Variants in ZSCAN20 observed in about 807,000 individuals in gnomAD.
ZSCAN20 encodes the protein zinc finger and SCAN domain containing 20.
Under a neutral mutation model 97.1 loss-of-function variants are expected in ZSCAN20, and 39 were observed. The ratio of observed to expected loss-of-function variants is 0.40; its 90% confidence interval spans 0.31 to 0.52. ZSCAN20 has a LOEUF of 0.52. Among genes scored for constraint, ZSCAN20 ranks in the 20% least tolerant of loss-of-function variants. ZSCAN20 has a pLI of 0.49. For synonymous variants in ZSCAN20, 456 were observed against 467.3 expected (o/e 0.98, Z 0.31); for missense variants, 1,115 against 1,290.4 (o/e 0.86, Z 2.08).
At chr1:33,483,140 A>C (rs181617359) in intron 2 of ZSCAN20, among the ~76,000 whole-genome samples, 2 of 152,172 alleles carry the variant, frequency 1.3e-5, no homozygotes, top group African/African-American at 4.8e-5. Context: ...TCATTGCTAT[A>C]CCTGACATTA....
Position 33,495,022 on chromosome 1 carries a change from A to G in ZSCAN20, c.2678A>G (p.His893Arg). 1.2e-6 allele frequency: 2 copies of G among 1,614,016 alleles called. No individual in the cohort carries two copies. Among genetic ancestry groups the G allele is most frequent in the East Asian group, 4.5e-5 (2 of 44,864 alleles). The change falls in exon 8 of 8, where the codon CAC (histidine) becomes CGC (arginine). Residue 893 changes from histidine to arginine, a missense_variant. Transcript: ENST00000684572. The part of the protein sequence containing the change: ...SFSKSSALIS[H>R]QRIHTGEKPY... ...TCTAAGAGCTCTGCCCTCATTAGTCACCAAAGAATCCATACGGGAGAGAAA... is the reference window on the plus strand; with the variant it reads ...TCTAAGAGCTCTGCCCTCATTAGTCGCCAAAGAATCCATACGGGAGAGAAA...
Position 33,479,591 on chromosome 1 carries a change from T to A in ZSCAN20, c.303T>A (p.Thr101=), listed in dbSNP as rs16835507. The A allele has an allele frequency of 0.13, 215,011 of 1,613,544 alleles. 15,510 individuals carry two copies. The highest frequency in any genetic ancestry group is 0.15 in the Non-Finnish European group (176,967 of 1,179,662). ...LELLVLEQFL[T]ILPREVQTWV... The stretch of plus-strand genomic sequence containing the variant: ...TGCTCGTGCTGGAGCAGTTCCTGAC[T>A]ATCTTGCCTAGGGAGGTCCAGACCT... The change falls in exon 2 of 8, where the codon ACT becomes ACA. Residue 101 remains threonine (T), a synonymous_variant. Coordinates refer to ENST00000684572, the MANE Select transcript of ZSCAN20 (RefSeq NM_001377376.1).
chr1:33,477,627 T>A (rs1651984242), intron 1 of ZSCAN20, among the ~76,000 whole-genome samples: 1 of 149,972 alleles, frequency 6.7e-6, no homozygotes, highest in Admixed American at 6.7e-5. Flanking sequence ...GAATTCCTTT[T>A]GGCATGAGCG....
rs1557446663 is a variant in ZSCAN20, at chr1:33,494,552, G to A, written c.2208G>A (p.Lys736=). 2 of 1,614,044 alleles carry A rather than the reference G, an allele frequency of 1.2e-6. No homozygotes were observed. The highest frequency in any genetic ancestry group is 3.3e-5 in the Admixed American group (2 of 60,022). ...IAHQRIHTGE[K]PYKCLECGKN... is the part of the protein sequence containing the mutation. Reference sequence around the variant, plus strand: ...ATCAGCGAATCCACACAGGTGAGAAGCCCTACAAATGCCTTGAATGTGGAA... The same window carrying A: ...ATCAGCGAATCCACACAGGTGAGAAACCCTACAAATGCCTTGAATGTGGAA... The change falls in exon 8 of 8, where the codon AAG becomes AAA. Residue 736 remains lysine, a synonymous_variant. Transcript: ENST00000684572.
Position 33,494,685 on chromosome 1 carries a change from C to A in ZSCAN20, c.2341C>A (p.Leu781Ile). 1 of 1,614,020 alleles carries A rather than the reference C, an allele frequency of 6.2e-7. No homozygotes were observed. Among genetic ancestry groups the A allele is most frequent in the Non-Finnish European group, 8.5e-7 (1 of 1,180,024 alleles). ...CGKSFSDHSN[L>I]ITHQRIHTGE... is the part of the protein sequence containing the mutation. ...GAAAAGCTTTAGTGACCATTCTAAT[C>A]TCATCACTCACCAGAGAATTCACAC... Residue 781 changes from leucine to isoleucine, a missense_variant, in exon 8 of 8, where the codon CTC (leucine) becomes ATC (isoleucine). Physicochemically the swap from Leu to Ile is conservative, Grantham distance 5. Transcript: ENST00000684572.
intron 1 of ZSCAN20, among the ~76,000 whole-genome samples, chr1:33,477,468 C>A (rs1188552681): frequency 6.6e-6 from 1 of 151,788 alleles, no homozygotes; most frequent in Admixed American, 6.6e-5. Context: ...ACAGAGAGCT[C>A]ATTTTTTCAA....
chr1:33,498,080 G>T lies in ZSCAN20; in HGVS notation c.*2604G>T, dbSNP rs1388484413. Among the ~76,000 whole-genome samples the T allele has an allele frequency of 1.3e-5, 2 of 152,114 alleles. No individual in the cohort carries two copies. The highest frequency in any genetic ancestry group is 2.9e-5 in the Non-Finnish European group (2 of 68,022). ...ATAGTGCTGAATGGAGAGGAAGATG[G>T]CCCTCAAAGGAGATCTAGACCATTC... On this transcript the variant is annotated 3_prime_UTR_variant, in exon 8 of 8. Coordinates refer to ENST00000684572, the MANE Select transcript of ZSCAN20 (RefSeq NM_001377376.1).
chr1:33,493,227 G>C lies in ZSCAN20; in HGVS notation c.1485G>C (p.Leu495=). Reference sequence around the variant, plus strand: ...GCTATGAGGAGACCAAGGCCTTCCTGGCAATTCTCAGTGAGTCCCCATTCT... The same window carrying C: ...GCTATGAGGAGACCAAGGCCTTCCTCGCAATTCTCAGTGAGTCCCCATTCT... ...HWGYEETKAF[L]AILSESPFSE... Residue 495 remains leucine, a synonymous_variant, in exon 7 of 8, where the codon CTG becomes CTC. Transcript: ENST00000684572. The surrounding 1 kb of genome is among the most constrained non-coding windows in gnomAD (Gnocchi z 4.3). 1 of 1,614,120 alleles carries C rather than the reference G, an allele frequency of 6.2e-7. No homozygotes were observed. The highest frequency in any genetic ancestry group is 8.5e-7 in the Non-Finnish European group (1 of 1,180,024).
In ZSCAN20 at chr1:33,498,663, A is replaced by G. The variant is rs4044872; in HGVS notation, c.*3187A>G. On this transcript the variant is annotated 3_prime_UTR_variant, in exon 8 of 8. Coordinates refer to ENST00000684572, the MANE Select transcript of ZSCAN20 (RefSeq NM_001377376.1). The stretch of plus-strand genomic sequence containing the variant: ...GGACAGTTTCTCAGCCTTCCTGGCC[A>G]CAGGTCAGACCCTGGTTATGGAAAA... Among the ~76,000 whole-genome samples, 1,210 of 152,302 alleles carry G rather than the reference A, an allele frequency of 7.9e-3. 19 individuals are homozygous for G. The highest frequency in any genetic ancestry group is 0.027 in the African/African-American group (1,134 of 41,570).
chr1:33,497,822 G>T lies in ZSCAN20; in HGVS notation c.*2346G>T, dbSNP rs1557450512. Among the ~76,000 whole-genome samples, 1 of 152,054 alleles carries T rather than the reference G, an allele frequency of 6.6e-6. No individual in the cohort carries two copies. Among genetic ancestry groups the T allele is most frequent in the South Asian group, 2.1e-4 (1 of 4,816 alleles). On this transcript the variant is annotated 3_prime_UTR_variant, in exon 8 of 8. Coordinates refer to ENST00000684572, the MANE Select transcript of ZSCAN20 (RefSeq NM_001377376.1). ...TAGAGCATGTCCTCATTCAGAATTGGGAGCACAAGGAGGAGAGGCTGATAG... is the reference window on the plus strand; with the variant it reads ...TAGAGCATGTCCTCATTCAGAATTGTGAGCACAAGGAGGAGAGGCTGATAG...
rs189031867 is a variant in ZSCAN20 at position 33,486,761 on chromosome 1, A to T, written c.418-1704A>T. On this transcript the variant is annotated intron_variant, in intron 2 of 7. Coordinates refer to ENST00000684572, the MANE Select transcript of ZSCAN20 (RefSeq NM_001377376.1). ...GTAGGTTATAATGATAACAAAGTGA[A>T]TTTTTTTTTAACATGACCATATAAG... 1.2e-4 allele frequency among the ~76,000 whole-genome samples: 18 copies of T among 151,848 alleles called. No homozygotes were observed. The East Asian group carries it at 3.5e-3, about 29-fold the overall frequency.
In ZSCAN20 at chr1:33,494,406, A is replaced by G. The variant is rs772710449; in HGVS notation, c.2062A>G (p.Ser688Gly). The change falls in exon 8 of 8, where the codon AGT (serine) becomes GGT (glycine). Residue 688 changes from serine (S) to glycine (G), a missense_variant. Ser to Gly is a moderately conservative substitution (Grantham distance 56). This residue lies in a region of ZSCAN20 where 554 missense variants were observed against 584.9 expected (regional missense o/e 0.95). Coordinates refer to ENST00000684572, the MANE Select transcript of ZSCAN20 (RefSeq NM_001377376.1). Reference sequence around the variant, plus strand: ...TCCCTCACAGGAACAGTGGCAAGAAAGTTCTTCTGAAGAGGACTTAGAAAA... The same window carrying G: ...TCCCTCACAGGAACAGTGGCAAGAAGGTTCTTCTGAAGAGGACTTAGAAAA... ...GNPSQEQWQE[S>G]SSEEDLEKLI... The G allele has an allele frequency of 6.2e-7, 1 of 1,613,972 alleles. No individual in the cohort carries two copies. Among genetic ancestry groups the G allele is most frequent in the Non-Finnish European group, 8.5e-7 (1 of 1,179,926 alleles).
At position 33,489,508 on chromosome 1, in the gene ZSCAN20, C is replaced by T. The variant is rs775605242; in HGVS notation, c.682-10C>T. On this transcript the variant is annotated splice_polypyrimidine_tract_variant and intron_variant, in intron 4 of 7. Coordinates refer to ENST00000684572, the MANE Select transcript of ZSCAN20 (RefSeq NM_001377376.1). ...TGATGTTTGGGGTCCTTGTCTTGTG[C>T]ATCTCGCAGGAAGCCCTGGGCCCTG... 2 of 1,613,860 alleles carry T rather than the reference C, an allele frequency of 1.2e-6. No homozygotes were observed. The highest frequency in any genetic ancestry group is 1.7e-6 in the Non-Finnish European group (2 of 1,179,836).
In ZSCAN20 at chr1:33,491,527, G is replaced by A. The variant is rs376757108; in HGVS notation, c.1269G>A (p.Glu423=). 1.9e-4 allele frequency: 300 copies of A among 1,613,960 alleles called. No homozygotes were observed. The highest frequency in any genetic ancestry group is 2.4e-4 in the Non-Finnish European group (282 of 1,179,962). ...TAIRATDGPG[E]AVALPRLGYS... is the part of the protein sequence containing the mutation. Reference sequence around the variant, plus strand: ...TCAGAGCCACAGATGGCCCAGGAGAGGCCGTGGCACTTCCCAGGCTCGGGT... The same window carrying A: ...TCAGAGCCACAGATGGCCCAGGAGAAGCCGTGGCACTTCCCAGGCTCGGGT... The change falls in exon 6 of 8, where the codon GAG becomes GAA. Residue 423 remains glutamate, a synonymous_variant. Coordinates refer to ENST00000684572, the MANE Select transcript of ZSCAN20 (RefSeq NM_001377376.1). This position sits in a 1 kb window ranked among gnomAD's most constrained non-coding sequence, Gnocchi z 4.3.
At chr1:33,484,253 C>T (rs1352463090) in intron 2 of ZSCAN20, among the ~76,000 whole-genome samples, 4 of 152,152 alleles carry the variant, frequency 2.6e-5, no homozygotes, top group Non-Finnish European at 5.9e-5. Context: ...GAGAGAACAT[C>T]CTTGCCTTTT....
In ZSCAN20 at chr1:33,500,908, G is replaced by A. The variant is rs1371068971; in HGVS notation, c.*5432G>A. Among the ~76,000 whole-genome samples the A allele has an allele frequency of 2.0e-5, 3 of 151,954 alleles. No individual in the cohort carries two copies. Among genetic ancestry groups the A allele is most frequent in the Non-Finnish European group, 4.4e-5 (3 of 68,016 alleles). On this transcript the variant is annotated 3_prime_UTR_variant, in exon 8 of 8. Transcript: ENST00000684572. ...TCAGGGAGCCCTAACTTGGTGGCAG[G>A]TGACAAATGTGGCACAAAGGAGAAA...
rs1403275174 is a variant in ZSCAN20, at chr1:33,479,281, G to T, written c.-8G>T. On this transcript the variant is annotated 5_prime_UTR_variant, in exon 2 of 8. Coordinates refer to ENST00000684572, the MANE Select transcript of ZSCAN20 (RefSeq NM_001377376.1). ...AGCATAGCTGAAGTGAGGTGTCTGG[G>T]TTAGACAATGGCTATGGCCCTGGAA... 11 of 1,594,342 alleles carry T rather than the reference G, an allele frequency of 6.9e-6. No homozygotes were observed. Among genetic ancestry groups the T allele is most frequent in the Non-Finnish European group, 9.4e-6 (11 of 1,169,158 alleles).
intron 2 of ZSCAN20, among the ~76,000 whole-genome samples, chr1:33,481,392 C>G (rs1652151905): frequency 6.6e-6 from 1 of 152,142 alleles, no homozygotes; most frequent in Admixed American, 6.6e-5. Context: ...AATTATGCCC[C>G]TGTGAGCTGA....
intron 1 of ZSCAN20, among the ~76,000 whole-genome samples, chr1:33,476,871 G>A (rs896856211): frequency 6.6e-6 from 1 of 152,162 alleles, no homozygotes; most frequent in Admixed American, 6.5e-5. Flanking sequence ...TGGAATATCT[G>A]TATCCCATTA....
Sources: allele counts gnomAD v4.1 joint callset (sites outside exome capture counted in the v4.1 genomes callset), GRCh38; gene constraint gnomAD v4.1.1; regional missense constraint gnomAD v4.1.1; non-coding constraint Gnocchi (gnomAD v3.1); transcripts MANE v1.5; gene names NCBI Gene and HGNC (gene_info 2026-07-23, HGNC 2026-07-21).